Variants in LRTM2 observed in about 807,000 individuals in gnomAD.
LRTM2 encodes leucine rich repeat transmembrane protein 2, also known as leucine-rich repeat and transmembrane domain-containing protein 2.
LRTM2 carries 18 observed loss-of-function variants against 28.1 expected under a neutral mutation model. The ratio of observed to expected loss-of-function variants is 0.64; its 90% CI spans 0.44 to 0.95. The LOEUF is 0.95. LRTM2 is among the 40% of genes least tolerant of loss of function. The pLI is 0.00. For missense variants in LRTM2, 436 were observed against 497.2 expected, an observed-to-expected ratio of 0.88 and a Z score of 1.17; for synonymous variants, 250 against 218.7, an observed-to-expected ratio of 1.14 and a Z score of -1.26.
In LRTM2 at chr12:1,835,906, A is replaced by T. The variant is rs1196344560; in HGVS notation, c.*1185A>T. ...CCATCTTCAGTACTCCTGGCCTGTGACTTCAGGGCTGGGACTTGGTGGTGC... is the reference window on the plus strand; with the variant it reads ...CCATCTTCAGTACTCCTGGCCTGTGTCTTCAGGGCTGGGACTTGGTGGTGC... On this transcript the variant is annotated 3_prime_UTR_variant, in exon 5 of 5. Transcript: ENST00000299194. 1 of 152,328 alleles carries T rather than the reference A, an allele frequency of 6.6e-6. No homozygotes were observed. The highest frequency in any genetic ancestry group is 1.5e-5 in the Non-Finnish European group (1 of 68,148). 9.4% of individuals were successfully genotyped at this position (152,328 alleles called of 1,614,324 possible).
chr12:1,833,586 T>C lies in LRTM2; in HGVS notation c.659-681T>C, dbSNP rs7303599. ...TTCCCCCTCCAGATGCCTTTGTACT[T>C]ACAGGGCTGTGGTTGGGGCACCGAT... is the stretch of plus-strand genomic sequence containing the variant. On this transcript the variant is annotated intron_variant, in intron 4 of 4. Transcript: ENST00000299194. This position sits in a 1 kb window ranked among gnomAD's most constrained non-coding sequence, Gnocchi z 4.2. Among the ~76,000 whole-genome samples, 135,195 of 152,224 alleles carry C rather than the reference T, an allele frequency of 0.89. 60,179 individuals carry two copies. Among genetic ancestry groups the C allele is most frequent in the East Asian group, 0.99 (5,133 of 5,182 alleles).
In LRTM2 at chr12:1,831,039, G is replaced by A. The variant is rs1864601656; in HGVS notation, c.172G>A (p.Gly58Ser). ...RSLEVDCSGL[G>S]LTTVPPDVPA... is the part of the protein sequence containing the mutation. ...CCTGGAGGTGGACTGCAGTGGCCTT[G>A]GCCTCACCACGGTGCCCCCAGACGT... Residue 58 changes from glycine (G) to serine (S), a missense_variant, in exon 4 of 5, where the codon GGC becomes AGC. Gly to Ser is a moderately conservative substitution (Grantham distance 56). Coordinates refer to ENST00000299194, the MANE Select transcript of LRTM2 (RefSeq NM_001039029.3). The A allele has an allele frequency of 2.5e-6, 4 of 1,614,042 alleles. No homozygotes were observed. Among genetic ancestry groups the A allele is most frequent in the Non-Finnish European group, 3.4e-6 (4 of 1,180,022 alleles).
In LRTM2 at chr12:1,827,225, G is replaced by T. The variant is rs528486265; in HGVS notation, c.-258-185G>T. ...GCTGGCAGCCTGGGCCTCCCATCTGGAAGGAAGTGGAGACCCCAGCACACA... is the reference window on the plus strand; with the variant it reads ...GCTGGCAGCCTGGGCCTCCCATCTGTAAGGAAGTGGAGACCCCAGCACACA... On this transcript the variant is annotated intron_variant, in intron 1 of 4. Transcript: ENST00000299194. Among the ~76,000 whole-genome samples the T allele has an allele frequency of 3.9e-5, 6 of 152,346 alleles. No homozygotes were observed. The South Asian group carries it at 1.2e-3, about 32-fold the overall frequency.
Position 1,834,667 on chromosome 12 carries a change from G to A in LRTM2, c.1059G>A (p.Met353Ile). Residue 353 changes from methionine (M) to isoleucine (I), a missense_variant, in exon 5 of 5, where the codon ATG becomes ATA. Met to Ile is a conservative substitution (Grantham distance 10). Coordinates refer to ENST00000299194, the MANE Select transcript of LRTM2 (RefSeq NM_001039029.3). The surrounding 1 kb of genome is among the most constrained non-coding windows in gnomAD (Gnocchi z 7.6). ...AGCTCAAAAAGCGCCAGCCCCTGAT[G>A]GGGGACCCCGAGGGCGAGCACGAGG... ...HRELKKRQPL[M>I]GDPEGEHEDQ... 6.2e-7 allele frequency: 1 copy of A among 1,601,690 alleles called. No individual in the cohort carries two copies. The highest frequency in any genetic ancestry group is 8.5e-7 in the Non-Finnish European group (1 of 1,179,690).
In LRTM2 at chr12:1,834,313, G is replaced by A. The variant is rs774981705; in HGVS notation, c.705G>A (p.Arg235=). 1.2e-6 allele frequency: 2 copies of A among 1,608,226 alleles called. No homozygotes were observed. Among genetic ancestry groups the A allele is most frequent in the South Asian group, 1.1e-5 (1 of 90,374 alleles). ...QLACTLPKEL[R]GKDMRMVPME... ...CCTGCACCCTGCCCAAGGAGCTGAG[G>A]GGGAAGGACATGCGGATGGTCCCCA... The change falls in exon 5 of 5, where the codon AGG becomes AGA. Residue 235 remains arginine (R), a synonymous_variant. Coordinates refer to ENST00000299194, the MANE Select transcript of LRTM2 (RefSeq NM_001039029.3). This position sits in a 1 kb window ranked among gnomAD's most constrained non-coding sequence, Gnocchi z 7.6.
Position 1,834,663 on chromosome 12 carries a change from TGATGGGG to T in LRTM2, c.1058_1064del (p.Met353ThrfsTer42). ...CGGGAGCTCAAAAAGCGCCAGCCCC[TGATGGGG>T]GACCCCGAGGGCGAGCACGAGGACC... On this transcript the variant is annotated frameshift_variant, in exon 5 of 5. Transcript: ENST00000299194. LOFTEE classifies it high-confidence loss of function. The surrounding 1 kb of genome is among the most constrained non-coding windows in gnomAD (Gnocchi z 7.6). 1 of 1,601,342 alleles carries T rather than the reference TGATGGGG, an allele frequency of 6.2e-7. No individual in the cohort carries two copies. The highest frequency in any genetic ancestry group is 2.2e-5 in the East Asian group (1 of 44,842).
intron 1 of LRTM2, among the ~76,000 whole-genome samples, chr12:1,826,675 G>A (rs10437822): frequency 0.52 from 79,711 of 152,134 alleles, 21,821 homozygotes; most frequent in East Asian, 0.83. Context: ...CCGAGAGGGC[G>A]GCACTCCGCT....
rs778057455 is a variant in LRTM2 at position 1,830,962 on chromosome 12, C to T, written c.95C>T (p.Ala32Val). 1 of 1,611,636 alleles carries T rather than the reference C, an allele frequency of 6.2e-7. No homozygotes were observed. Among genetic ancestry groups the T allele is most frequent in the Admixed American group, 1.7e-5 (1 of 59,872 alleles). ...SWITCWIALY[A>V]VEALPTCPFS... Reference sequence around the variant, plus strand: ...ATCACCTGCTGGATCGCCCTGTATGCTGTGGAGGCCCTCCCCACCTGCCCT... The same window carrying T: ...ATCACCTGCTGGATCGCCCTGTATGTTGTGGAGGCCCTCCCCACCTGCCCT... Residue 32 changes from alanine (A) to valine (V), a missense_variant, in exon 4 of 5, where the codon GCT (alanine) becomes GTT (valine). Coordinates refer to ENST00000299194, the MANE Select transcript of LRTM2 (RefSeq NM_001039029.3).
intron 1 of LRTM2, among the ~76,000 whole-genome samples, chr12:1,824,015 C>A (rs1269988101): frequency 6.6e-6 from 1 of 152,220 alleles, no homozygotes; most frequent in Non-Finnish European, 1.5e-5. Context: ...TTTCTGGTGC[C>A]TCAGTTTCCC....
At chr12:1,827,868 C>G (rs1257864248) in intron 2 of LRTM2, 1 of 379,224 alleles carries the variant, frequency 2.6e-6, no homozygotes, top group Non-Finnish European at 4.7e-6. Context: ...GACCCTCGGG[C>G]TCCTGGAAAG....
At position 1,827,407 on chromosome 12, in the gene LRTM2, C is replaced by T. The variant is rs1287355922; in HGVS notation, c.-258-3C>T. Reference sequence around the variant, plus strand: ...TCCTTGTGTCCCTGTCTCTTCCTAGCAGCTGCCGCAGCATGAACCCCTGAG... The same window carrying T: ...TCCTTGTGTCCCTGTCTCTTCCTAGTAGCTGCCGCAGCATGAACCCCTGAG... On this transcript the variant is annotated splice_polypyrimidine_tract_variant and splice_region_variant and intron_variant, in intron 1 of 4. Coordinates refer to ENST00000299194, the MANE Select transcript of LRTM2 (RefSeq NM_001039029.3). 6.6e-6 allele frequency: 1 copy of T among 152,562 alleles called. No homozygotes were observed. Among genetic ancestry groups the T allele is most frequent in the Non-Finnish European group, 1.5e-5 (1 of 68,080 alleles). The allele number at this position is 152,562 out of a possible 1,614,324, so 9.5% of individuals were successfully genotyped here.
intron 1 of LRTM2, among the ~76,000 whole-genome samples, chr12:1,827,116 TCCTC>T (rs773757479): frequency 3.3e-5 from 5 of 152,022 alleles, no homozygotes; most frequent in Admixed American, 6.5e-5. Flanking sequence ...GGTGCGGGCA[TCCTC>T]CCTCCCTCCC....
In LRTM2 at chr12:1,831,278, G is replaced by A; in HGVS notation, c.411G>A (p.Arg137=). Residue 137 remains arginine (R), a synonymous_variant, in exon 4 of 5, where the codon CGG becomes CGA. Transcript: ENST00000299194. ...SIRTLDRDLL[R]HSPLLRHLDL... ...GGACCCTGGACAGGGACCTGCTGCGGCACTCGCCGCTGCTCCGCCACCTGG... is the reference window on the plus strand; with the variant it reads ...GGACCCTGGACAGGGACCTGCTGCGACACTCGCCGCTGCTCCGCCACCTGG... The A allele has an allele frequency of 6.2e-7, 1 of 1,613,696 alleles. No individual in the cohort carries two copies. The highest frequency in any genetic ancestry group is 8.5e-7 in the Non-Finnish European group (1 of 1,180,022).
In LRTM2 at chr12:1,831,536, C is replaced by T; in HGVS notation, c.658+11C>T. On this transcript the variant is annotated intron_variant, in intron 4 of 4. Coordinates refer to ENST00000299194, the MANE Select transcript of LRTM2 (RefSeq NM_001039029.3). Reference sequence around the variant, plus strand: ...GGTTCTCCTACCGAGGTGAGCGCAGCCGGCCCTGCTGGGGCCCGAGGGATT... The same window carrying T: ...GGTTCTCCTACCGAGGTGAGCGCAGTCGGCCCTGCTGGGGCCCGAGGGATT... 1 of 1,604,740 alleles carries T rather than the reference C, an allele frequency of 6.2e-7. No individual in the cohort carries two copies. The highest frequency in any genetic ancestry group is 8.5e-7 in the Non-Finnish European group (1 of 1,174,088).
rs1429570911 is a variant in LRTM2 at position 1,829,166 on chromosome 12, G to A, written c.67+951G>A. 6.6e-6 allele frequency among the ~76,000 whole-genome samples: 1 copy of A among 152,026 alleles called. No homozygotes were observed. The highest frequency in any genetic ancestry group is 1.5e-5 in the Non-Finnish European group (1 of 68,032). ...TTATGCCACCTTGATCTCCAGGGAG[G>A]TGGGGGGCGCAGGGAGTCGCTCTTC... On this transcript the variant is annotated intron_variant, in intron 3 of 4. Transcript: ENST00000299194. The surrounding 1 kb of genome is among the most constrained non-coding windows in gnomAD (Gnocchi z 4.2).
In LRTM2 at chr12:1,828,230, G is replaced by A; in HGVS notation, c.67+15G>A. 6.6e-7 allele frequency: 1 copy of A among 1,511,994 alleles called. No individual in the cohort carries two copies. The highest frequency in any genetic ancestry group is 8.8e-7 in the Non-Finnish European group (1 of 1,138,770). 93.7% of individuals were successfully genotyped at this position (1,511,994 alleles called of 1,614,324 possible). On this transcript the variant is annotated intron_variant, in intron 3 of 4. Coordinates refer to ENST00000299194, the MANE Select transcript of LRTM2 (RefSeq NM_001039029.3). This position sits in a 1 kb window ranked among gnomAD's most constrained non-coding sequence, Gnocchi z 4.2. ...GCAAGTCTCCTGTGAGTACACCCCT[G>A]GCCTCGGAGGGGGGTGCGGGTTGGG...
intron 1 of LRTM2, among the ~76,000 whole-genome samples, chr12:1,821,574 C>T (rs957823672): frequency 3.0e-4 from 45 of 152,130 alleles, no homozygotes; most frequent in African/African-American, 1.0e-3. Flanking sequence ...CGTCCATCTG[C>T]AAATGGGTCA....
chr12:1,826,096 G>T (rs1260874992), intron 1 of LRTM2, among the ~76,000 whole-genome samples: 1 of 152,114 alleles, frequency 6.6e-6, no homozygotes, highest in Non-Finnish European at 1.5e-5. Context: ...GGGGAGGTTG[G>T]TGGGATCGGG....
At position 1,829,816 on chromosome 12, in the gene LRTM2, A is replaced by T. The variant is rs1200912471; in HGVS notation, c.68-1119A>T. Among the ~76,000 whole-genome samples, 2 of 151,762 alleles carry T rather than the reference A, an allele frequency of 1.3e-5. No homozygotes were observed. Among genetic ancestry groups the T allele is most frequent in the Non-Finnish European group, 2.9e-5 (2 of 67,928 alleles). On this transcript the variant is annotated intron_variant, in intron 3 of 4. Coordinates refer to ENST00000299194, the MANE Select transcript of LRTM2 (RefSeq NM_001039029.3). The surrounding 1 kb of genome is among the most constrained non-coding windows in gnomAD (Gnocchi z 4.2). ...GGGGTCTTTTCTCTAGGCTGGGTGG[A>T]ACTGACCTCGGCTGGGCTGACCTGG...
Sources: gnomAD v4.1 joint callset for allele counts (sites outside exome capture counted in the v4.1 genomes callset) on GRCh38, gnomAD v4.1.1 for gene constraint, Gnocchi (gnomAD v3.1) non-coding constraint, MANE v1.5 for transcripts, NCBI Gene and HGNC (gene_info 2026-07-23, HGNC 2026-07-21) for gene names.